Variants in RBFOX1 observed in about 807,000 individuals in gnomAD.
RBFOX1 encodes RNA binding fox-1 homolog 1.
RBFOX1 carries 8 observed loss-of-function variants against 57.7 expected under a neutral mutation model. The observed-to-expected ratio is 0.14, with a 90% CI of 0.08 to 0.25. RBFOX1 has a LOEUF of 0.25. RBFOX1 is among the 10% of genes least tolerant of loss of function. The pLI, the probability that RBFOX1 is intolerant of heterozygous loss-of-function variation, is 1.00. For synonymous variants in RBFOX1, 326 were observed against 222.4 expected (o/e 1.47, Z -4.15); for missense variants, 611 against 548.5 (o/e 1.11, Z -1.14).
At chr16:6,808,889 G>C (rs529113614) in intron 3 of RBFOX1, among the ~76,000 whole-genome samples, 3 of 152,016 alleles carry the variant, frequency 2.0e-5, no homozygotes, top group South Asian at 2.1e-4. Context: ...GAACAATATC[G>C]GATAATCCCA....
intron 3 of RBFOX1, among the ~76,000 whole-genome samples, chr16:6,786,823 C>G (rs1229691627): frequency 6.6e-6 from 1 of 151,892 alleles, no homozygotes; most frequent in African/African-American, 2.4e-5. Context: ...TCACAATTGA[C>G]TAAAAGGGTA....
intron 2 of RBFOX1, among the ~76,000 whole-genome samples, chr16:6,584,789 C>T (rs1186488700): frequency 6.6e-6 from 1 of 152,150 alleles, no homozygotes; most frequent in Non-Finnish European, 1.5e-5. Context: ...GCACCGATCA[C>T]TGAAGGATTG....
At chr16:6,806,489 C>A (rs951943628) in intron 3 of RBFOX1, among the ~76,000 whole-genome samples, 1 of 151,972 alleles carries the variant, frequency 6.6e-6, no homozygotes, top group African/African-American at 2.4e-5. Context: ...TTTGCTGGGC[C>A]TATTCTGACC....
Position 7,136,606 on chromosome 16 carries a change from TG to T in RBFOX1, c.27+84511del, listed in dbSNP as rs546208061. On this transcript the variant is annotated intron_variant, in intron 4 of 15. Coordinates refer to ENST00000550418, the MANE Select transcript of RBFOX1 (RefSeq NM_018723.4). ...GTTTGTTTGTTTGTTGTGTAGAGGC[TG>T]GGTCTCATAATGTTGCCCAGGCTGA... Among the ~76,000 whole-genome samples, 274 of 152,068 alleles carry T rather than the reference TG, an allele frequency of 1.8e-3. 1 individual carries two copies. Among genetic ancestry groups the T allele is most frequent in the African/African-American group, 6.1e-3 (255 of 41,488 alleles).
rs544106629 is a variant in RBFOX1 at position 6,326,543 on chromosome 16, C to A, written c.-64+9486C>A. ...TTCTAATCTAGCTGGCTTTCTTCAT[C>A]CTTCTCAGAGGGCATTCTCCTCTCA... On this transcript the variant is annotated intron_variant, in intron 2 of 15. Coordinates refer to ENST00000550418, the MANE Select transcript of RBFOX1 (RefSeq NM_018723.4). Among the ~76,000 whole-genome samples the A allele has an allele frequency of 4.3e-4, 65 of 152,194 alleles. 1 individual carries two copies. The highest frequency in any genetic ancestry group is 1.6e-3 in the African/African-American group (65 of 41,534).
chr16:7,375,269 G>C (rs549581814), intron 4 of RBFOX1, among the ~76,000 whole-genome samples: 1 of 152,144 alleles, frequency 6.6e-6, no homozygotes, highest in African/African-American at 2.4e-5. Flanking sequence ...AGACAGGACA[G>C]CCTGATTCCA....
At chr16:5,820,680 A>G (rs1431319435) in intron 3 of RBFOX1, among the ~76,000 whole-genome samples, 1 of 152,192 alleles carries the variant, frequency 6.6e-6, no homozygotes, top group African/African-American at 2.4e-5. Context: ...AGTGCGTCAC[A>G]GCGTTACCCT....
rs535025554 is a variant in RBFOX1, at chr16:6,102,907, G to A, written c.-127+82915G>A. Among the ~76,000 whole-genome samples, 3 of 152,252 alleles carry A rather than the reference G, an allele frequency of 2.0e-5. 1 individual carries two copies. The highest frequency in any genetic ancestry group is 4.1e-4 in the South Asian group (2 of 4,820). On this transcript the variant is annotated intron_variant, in intron 1 of 15. Transcript: ENST00000550418. ...GGGTCATTTGGGGTTTTTTTTAGAAGAAAGTGATGGAGTCTGGGAATTTCT... is the reference window on the plus strand; with the variant it reads ...GGGTCATTTGGGGTTTTTTTTAGAAAAAAGTGATGGAGTCTGGGAATTTCT...
chr16:5,413,798 G>C lies in RBFOX1; in HGVS notation c.220-53418G>C, dbSNP rs549156150. ...AAGAGTCCTAAAGGAGACCGGTAGG[G>C]GTGAGGTGTGGAGGGTAATGGTGAG... On this transcript the variant is annotated intron_variant, in intron 1 of 2. Coordinates refer to the RBFOX1 transcript ENST00000585867. Among the ~76,000 whole-genome samples, 4 of 152,310 alleles carry C rather than the reference G, an allele frequency of 2.6e-5. No individual in the cohort carries two copies. In the East Asian group the frequency reaches 7.7e-4, roughly 29 times the overall value.
rs111588666 is a variant in RBFOX1, at chr16:6,695,187, A to T, written c.-16+40537A>T. 7.6e-3 allele frequency among the ~76,000 whole-genome samples: 1,160 copies of T among 152,244 alleles called. 18 individuals carry two copies. The highest frequency in any genetic ancestry group is 0.026 in the African/African-American group (1,088 of 41,548). ...GAAATCCCAGCACTTTGGGAGGCCA[A>T]GGCGGTTGGGTCGCCTGATGTCAGG... On this transcript the variant is annotated intron_variant, in intron 3 of 15. Coordinates refer to ENST00000550418, the MANE Select transcript of RBFOX1 (RefSeq NM_018723.4).
chr16:6,964,916 T>A (rs2083778123), intron 3 of RBFOX1, among the ~76,000 whole-genome samples: 1 of 152,170 alleles, frequency 6.6e-6, no homozygotes, highest in South Asian at 2.1e-4. Context: ...GCCAGGCTAA[T>A]CCCCATCTCT....
chr16:7,600,899 C>A (rs1022628154), intron 9 of RBFOX1, among the ~76,000 whole-genome samples: 2 of 152,166 alleles, frequency 1.3e-5, no homozygotes, highest in African/African-American at 4.8e-5. Flanking sequence ...GAGCCGTAGG[C>A]TTCTGGACAT....
At chr16:6,311,295 CAAAAAAAAAAAAAA>C (rs71145210) in intron 1 of RBFOX1, among the ~76,000 whole-genome samples, 1 of 91,236 alleles carries the variant, frequency 1.1e-5, no homozygotes, top group Non-Finnish European at 2.0e-5. Flanking sequence ...GACTCTGTCT[CAAAAAAAAAAAAAA>C]AAAAAAAGAA....
chr16:5,820,796 G>T (rs1328356192), intron 3 of RBFOX1, among the ~76,000 whole-genome samples: 2 of 152,154 alleles, frequency 1.3e-5, no homozygotes, highest in Admixed American at 6.5e-5. Context: ...CAGACAGTTA[G>T]ACAAGCCAGT....
intron 3 of RBFOX1, among the ~76,000 whole-genome samples, chr16:5,765,260 A>C (rs767051494): frequency 6.6e-6 from 1 of 152,196 alleles, no homozygotes; most frequent in East Asian, 1.9e-4. Flanking sequence ...AGGGCCAAGG[A>C]TACCAGCAGC....
Position 5,975,513 on chromosome 16 carries a change from A to G in RBFOX1, c.351+108178A>G, listed in dbSNP as rs1399484883. On this transcript the variant is annotated intron_variant, in intron 4 of 19. Coordinates refer to the RBFOX1 transcript ENST00000641259. ...TGGTTTAGTATTGCTTGGCATTTGA[A>G]ACTTTAGGGTCCAGATTTTTCCCCT... is the stretch of plus-strand genomic sequence containing the variant. Among the ~76,000 whole-genome samples the G allele has an allele frequency of 2.6e-5, 4 of 152,154 alleles. No individual in the cohort carries two copies. In the East Asian group the frequency reaches 7.7e-4, roughly 29 times the overall value.
chr16:5,856,575 GTATATATA>G (rs375112636), intron 3 of RBFOX1, among the ~76,000 whole-genome samples: 45 of 32,862 alleles, frequency 1.4e-3, no homozygotes, highest in South Asian at 5.9e-3. Context: ...GTGTGTGTGT[GTATATATA>G]TATATATATA....
chr16:6,672,316 A>T (rs2098770845), intron 3 of RBFOX1, among the ~76,000 whole-genome samples: 1 of 151,848 alleles, frequency 6.6e-6, no homozygotes, highest in Admixed American at 6.6e-5. Flanking sequence ...TAACCATACA[A>T]ATATTGTGGT....
chr16:7,017,891 C>G (rs536969057), intron 3 of RBFOX1, among the ~76,000 whole-genome samples: 13 of 152,212 alleles, frequency 8.5e-5, no homozygotes, highest in African/African-American at 2.9e-4. Context: ...TTAGCAACAA[C>G]AGAGAGATGA....
Sources: gnomAD v4.1 joint callset for allele counts (sites outside exome capture counted in the v4.1 genomes callset) on GRCh38, gnomAD v4.1.1 for gene constraint, MANE v1.5 for transcripts, NCBI Gene and HGNC (gene_info 2026-07-23, HGNC 2026-07-21) for gene names.